PSMA8: variants seen among roughly 807,000 people sequenced by gnomAD.
The protein encoded by PSMA8 is proteasome subunit alpha-type 8.
A neutral mutation model predicts 32.4 loss-of-function variants in PSMA8; 18 were observed. The ratio of observed to expected loss-of-function variants is 0.56; its 90% confidence interval spans 0.38 to 0.82. PSMA8 has a LOEUF of 0.82. Among genes scored for constraint, PSMA8 ranks in the 40% least tolerant of loss-of-function variants. The probability of loss-of-function intolerance (pLI) is 0.00; values close to 1 mark genes in which losing one functional copy is unlikely to be tolerated. For synonymous variants in PSMA8, 104 were observed against 98.1 expected (o/e 1.06, Z -0.36); for missense variants, 298 against 300.7 (o/e 0.99, Z 0.07).
intron 4 of PSMA8, among the ~76,000 whole-genome samples, chr18:26,161,964 A>G (rs1271994289): frequency 6.6e-6 from 1 of 152,202 alleles, no homozygotes; most frequent in Non-Finnish European, 1.5e-5. Context: ...ACAGGGGTAC[A>G]GTAAGGAAAC....
At chr18:26,153,764 AT>A (rs1033881033) in intron 3 of PSMA8, among the ~76,000 whole-genome samples, 1 of 151,428 alleles carries the variant, frequency 6.6e-6, no homozygotes, top group Non-Finnish European at 1.5e-5. Flanking sequence ...TTTGCCTTTA[AT>A]TTTTTTTTAA....
At chr18:26,174,701 ACGT>A (rs1480480567) in intron 4 of PSMA8, among the ~76,000 whole-genome samples, 1 of 152,196 alleles carries the variant, frequency 6.6e-6, no homozygotes, top group Non-Finnish European at 1.5e-5. Flanking sequence ...AATGTTAACT[ACGT>A]CGTATACTTC....
intron 4 of PSMA8, among the ~76,000 whole-genome samples, chr18:26,163,658 G>A (rs1347253546): frequency 1.3e-5 from 2 of 152,188 alleles, no homozygotes; most frequent in African/African-American, 2.4e-5. Context: ...AGAGGTAGGG[G>A]GCTAGATCTT....
At chr18:26,164,147 T>C (rs1191903984) in intron 4 of PSMA8, among the ~76,000 whole-genome samples, 1 of 152,114 alleles carries the variant, frequency 6.6e-6, no homozygotes, top group Non-Finnish European at 1.5e-5. Flanking sequence ...AAAGCATGAC[T>C]GGAGTGGATT....
Position 26,184,498 on chromosome 18 carries a change from C to T in PSMA8, c.660+5368C>T, listed in dbSNP as rs922560049. Among the ~76,000 whole-genome samples the T allele has an allele frequency of 2.0e-5, 3 of 150,166 alleles. 1 individual carries two copies. Among genetic ancestry groups the T allele is most frequent in the Non-Finnish European group, 3.0e-5 (2 of 67,652 alleles). The stretch of plus-strand genomic sequence containing the variant: ...CTATTAGAAGTTGTTTTTGGCCGGG[C>T]GCGGTGGCTCACGCTTGCAATCTCA... On this transcript the variant is annotated intron_variant, in intron 6 of 6. Transcript: ENST00000415576.
chr18:26,185,517 A>C (rs868287584), intron 6 of PSMA8, among the ~76,000 whole-genome samples: 1 of 150,716 alleles, frequency 6.6e-6, no homozygotes, highest in South Asian at 2.1e-4. Context: ...GAGAGGGAGA[A>C]CTTCCCTAAC....
chr18:26,136,898 C>G (rs1191159911), intron 1 of PSMA8, among the ~76,000 whole-genome samples: 2 of 152,030 alleles, frequency 1.3e-5, no homozygotes, highest in Admixed American at 1.3e-4. Flanking sequence ...GTGTTTAATC[C>G]CCTTTTATTA....
rs187656215 is a variant in PSMA8, at chr18:26,173,518, C to T, written c.478-5312C>T. Among the ~76,000 whole-genome samples the T allele has an allele frequency of 1.9e-4, 29 of 151,786 alleles. No individual in the cohort carries two copies. The East Asian group carries it at 4.1e-3, about 21-fold the overall frequency. ...CCTTGTTTATTATCTATCTCTCCCCCACTAAGCTTTAAGGTCTATGAGTGC... is the reference window on the plus strand; with the variant it reads ...CCTTGTTTATTATCTATCTCTCCCCTACTAAGCTTTAAGGTCTATGAGTGC... On this transcript the variant is annotated intron_variant, in intron 4 of 6. Transcript: ENST00000415576.
At chr18:26,173,524 G>A (rs2055240803) in intron 4 of PSMA8, among the ~76,000 whole-genome samples, 1 of 150,254 alleles carries the variant, frequency 6.7e-6, no homozygotes, top group Admixed American at 6.6e-5. Flanking sequence ...CCCCCACTAA[G>A]CTTTAAGGTC....
intron 1 of PSMA8, chr18:26,140,139 G>T: frequency 1.4e-6 from 1 of 703,032 alleles, no homozygotes. Flanking sequence ...AGCTTCAGCA[G>T]GAAAAGTTCT....
intron 4 of PSMA8, among the ~76,000 whole-genome samples, chr18:26,160,963 A>T (rs1196498192): frequency 6.6e-6 from 1 of 152,216 alleles, no homozygotes; most frequent in Admixed American, 6.5e-5. Flanking sequence ...TCCAGAAAAT[A>T]CTTTGAATTT....
Position 26,178,683 on chromosome 18 carries a change from G to C in PSMA8, c.478-147G>C, listed in dbSNP as rs1395779885. On this transcript the variant is annotated intron_variant, in intron 4 of 6. Coordinates refer to ENST00000415576, the MANE Select transcript of PSMA8 (RefSeq NM_001025096.2). ...TAGTAACCAAATGAGCTACTGAAAT[G>C]TTTGCTATGTTTTCAAATCTGTAAT... 1.0e-5 allele frequency: 7 copies of C among 677,068 alleles called. No individual in the cohort carries two copies. In the East Asian group the frequency reaches 1.9e-4, roughly 19 times the overall value. The allele number at this position is 677,068 out of a possible 1,614,324, so 41.9% of individuals were successfully genotyped here. A position where few individuals can be genotyped will look rare whatever the true frequency, so the allele number is the denominator to read the frequency against.
At chr18:26,152,062 T>TGGAGTA in intron 3 of PSMA8, 80 bp downstream of exon 3, 1 of 1,062,546 alleles carries the variant, frequency 9.4e-7, no homozygotes, top group Non-Finnish European at 1.3e-6. Flanking sequence ...GTACTACAGT[T>TGGAGTA]ACTCCAACCA....
chr18:26,177,535 A>G (rs1304953816), intron 4 of PSMA8, among the ~76,000 whole-genome samples: 2 of 152,208 alleles, frequency 1.3e-5, no homozygotes, highest in African/African-American at 4.8e-5. Context: ...TTAATATAAA[A>G]TTTAAAATCT....
intron 4 of PSMA8, among the ~76,000 whole-genome samples, chr18:26,167,487 T>C (rs2144324241): frequency 6.6e-6 from 1 of 152,320 alleles, no homozygotes; most frequent in South Asian, 2.1e-4. Flanking sequence ...TAACATGTGT[T>C]ATAGATGGAA....
Position 26,178,822 on chromosome 18 carries a change from T to A in PSMA8, c.478-8T>A. The A allele has an allele frequency of 6.2e-7, 1 of 1,603,536 alleles. No individual in the cohort carries two copies. The highest frequency in any genetic ancestry group is 8.5e-7 in the Non-Finnish European group (1 of 1,176,814). ...ATGATATTAATAAATTAACTTTTAT[T>A]TTTCAAGGCAAATGCAATAGGCCGA... is the stretch of plus-strand genomic sequence containing the variant. On this transcript the variant is annotated splice_polypyrimidine_tract_variant and splice_region_variant and intron_variant, in intron 4 of 6. Transcript: ENST00000415576.
At chr18:26,179,351 C>T (rs1215302207) in intron 6 of PSMA8, among the ~76,000 whole-genome samples, 1 of 150,792 alleles carries the variant, frequency 6.6e-6, no homozygotes, top group Non-Finnish European at 1.5e-5. Context: ...CCAGGCTGGC[C>T]TCTAACTCCT....
chr18:26,152,076 AG>A, intron 3 of PSMA8, 94 bp downstream of exon 3: 1 of 871,498 alleles, frequency 1.1e-6, no homozygotes, highest in East Asian at 2.9e-5. Flanking sequence ...CCAACCATGT[AG>A]TCTATTAAAT....
In PSMA8 at chr18:26,184,543, C is replaced by T. The variant is rs1017880550; in HGVS notation, c.660+5413C>T. Among the ~76,000 whole-genome samples, 5 of 149,826 alleles carry T rather than the reference C, an allele frequency of 3.3e-5. 1 individual carries two copies. Among genetic ancestry groups the T allele is most frequent in the Non-Finnish European group, 7.4e-5 (5 of 67,552 alleles). On this transcript the variant is annotated intron_variant, in intron 6 of 6. Transcript: ENST00000415576. ...ATCTCAGCACTTTGGGAGGCTGAGG[C>T]GGGTGGATCACCTGAGGTCAGGGGT...
Sources: allele counts gnomAD v4.1 joint callset (sites outside exome capture counted in the v4.1 genomes callset), GRCh38; gene constraint gnomAD v4.1.1; transcripts MANE v1.5; gene names NCBI Gene and HGNC (gene_info 2026-07-23, HGNC 2026-07-21).